ALDH7A1: variants seen among roughly 807,000 people sequenced by gnomAD.
ALDH7A1 encodes the protein aldehyde dehydrogenase 7 family member A1.
In ALDH7A1, 63 loss-of-function variants were observed where a neutral mutation model predicts 79.9. The ratio of observed to expected loss-of-function variants is 0.79; its 90% CI spans 0.64 to 0.97. The LOEUF is 0.97. Among genes scored for constraint, ALDH7A1 ranks in the 50% least tolerant of loss-of-function variants. The pLI, the probability that ALDH7A1 is intolerant of heterozygous loss-of-function variation, is 0.00. For synonymous variants in ALDH7A1, 240 were observed against 231.2 expected (o/e 1.04, Z -0.34); for missense variants, 627 against 665.2 (o/e 0.94, Z 0.63).
intron 10 of ALDH7A1, 77 bp downstream of exon 10, chr5:126,561,006 A>G: frequency 3.9e-6 from 6 of 1,521,142 alleles, no homozygotes; most frequent in Non-Finnish European, 5.5e-6. Context: ...ATGAGATCCC[A>G]AACAAGTTCC....
chr5:126,557,936 G>A (rs1349362029), intron 11 of ALDH7A1, among the ~76,000 whole-genome samples: 2 of 151,968 alleles, frequency 1.3e-5, no homozygotes, highest in East Asian at 3.9e-4. Context: ...GCAAGGCCGA[G>A]GTAGGTGGAT....
intron 5 of ALDH7A1, 160 bp downstream of exon 5, chr5:126,582,689 ATC>A (rs1751217185): frequency 5.8e-6 from 5 of 855,138 alleles, no homozygotes; most frequent in Non-Finnish European, 9.0e-6. Context: ...TAACATTTTC[ATC>A]TGTTTTAATT....
intron 5 of ALDH7A1, among the ~76,000 whole-genome samples, chr5:126,577,553 C>T (rs1751019686): frequency 6.6e-6 from 1 of 152,084 alleles, no homozygotes; most frequent in Non-Finnish European, 1.5e-5. Flanking sequence ...GACCAGGGCA[C>T]AGGGGCTTAG....
intron 17 of ALDH7A1, 54 bp from the exon 18 acceptor site, chr5:126,545,073 T>C: frequency 7.6e-7 from 1 of 1,314,982 alleles, no homozygotes; most frequent in African/African-American, 1.5e-5. Context: ...CAGAAGATTT[T>C]CATGCCCACT....
intron 5 of ALDH7A1, chr5:126,581,803 C>T (rs983213287): frequency 5.3e-6 from 1 of 188,142 alleles, no homozygotes; most frequent in East Asian, 1.2e-4. Context: ...GATGGTGAAA[C>T]CCCATCTCTA....
intron 3 of ALDH7A1, chr5:126,587,181 T>C (rs992874037): frequency 2.6e-5 from 4 of 152,000 alleles, no homozygotes; most frequent in Admixed American, 1.3e-4. Flanking sequence ...TGAGGACACA[T>C]GGGGATGCAG....
intron 17 of ALDH7A1, 149 bp downstream of exon 17, chr5:126,546,175 A>G: frequency 2.6e-6 from 2 of 773,270 alleles, no homozygotes; most frequent in South Asian, 2.9e-5. Context: ...AAATAGCACC[A>G]AATAGATACT....
chr5:126,574,545 A>T (rs745753943), intron 7 of ALDH7A1, among the ~76,000 whole-genome samples: 1 of 151,136 alleles, frequency 6.6e-6, no homozygotes, highest in East Asian at 1.9e-4. Flanking sequence ...AACACAAAAA[A>T]TTAGCTGGGT....
At chr5:126,559,022 T>C (rs1015800755) in intron 11 of ALDH7A1, among the ~76,000 whole-genome samples, 11 of 152,232 alleles carry the variant, frequency 7.2e-5, no homozygotes, top group South Asian at 2.1e-4. Context: ...CAATTGGTAG[T>C]GGAACCCCTA....
rs35284915 is a variant in ALDH7A1, at chr5:126,576,262, C to CAAA, written c.651-801_651-799dup. Reference sequence around the variant, plus strand: ...TGGGCGACAGAGCAAGACTCTGTCACAAAAAAAAAAAAAAAAAAAGAATTG... The same window carrying CAAA: ...TGGGCGACAGAGCAAGACTCTGTCACAAAAAAAAAAAAAAAAAAAAAAGAATTG... On this transcript the variant is annotated intron_variant, in intron 6 of 17. Coordinates refer to ENST00000409134, the MANE Select transcript of ALDH7A1 (RefSeq NM_001182.5). Among the ~76,000 whole-genome samples the CAAA allele has an allele frequency of 2.7e-3, 244 of 89,144 alleles. 2 individuals are homozygous for CAAA. Among genetic ancestry groups the CAAA allele is most frequent in the African/African-American group, 0.01 (220 of 21,496 alleles). 58.5% of individuals were successfully genotyped at this position (89,144 alleles called of 152,430 possible).
chr5:126,559,423 TTTTGG>T (rs758156381), intron 10 of ALDH7A1, 89 bp from the exon 11 acceptor site: 1,652 of 863,738 alleles, frequency 1.9e-3, no homozygotes, highest in South Asian at 3.8e-3. Flanking sequence ...TGTTTTTTGT[TTTTGG>T]TTTTGGTTTT....
chr5:126,571,345 G>T (rs1291723358), intron 7 of ALDH7A1, among the ~76,000 whole-genome samples: 1 of 151,476 alleles, frequency 6.6e-6, no homozygotes, highest in African/African-American at 2.4e-5. Flanking sequence ...GAGAGTGACG[G>T]TGGGAGCCTG....
chr5:126,550,159 A>G, intron 15 of ALDH7A1, 37 bp downstream of exon 15: 3 of 1,590,466 alleles, frequency 1.9e-6, no homozygotes, highest in Non-Finnish European at 2.6e-6. Context: ...CACATAAATC[A>G]GACTTATATA....
chr5:126,575,169 C>T (rs979318966), intron 7 of ALDH7A1, among the ~76,000 whole-genome samples: 19 of 152,138 alleles, frequency 1.2e-4, no homozygotes. Flanking sequence ...CTTTTATTTT[C>T]CAAGTGACAA....
At chr5:126,593,519 T>G (rs975223803) in intron 1 of ALDH7A1, 115 bp from the exon 2 acceptor site, 1 of 1,433,698 alleles carries the variant, frequency 7.0e-7, no homozygotes, top group African/African-American at 1.4e-5. Flanking sequence ...ATACCCAAAC[T>G]CAAAAAGCTT....
chr5:126,590,537 G>C (rs1751519076), intron 3 of ALDH7A1, among the ~76,000 whole-genome samples: 1 of 152,052 alleles, frequency 6.6e-6, no homozygotes. Flanking sequence ...GTGACAGAGT[G>C]AGACTCCGTC....
intron 7 of ALDH7A1, among the ~76,000 whole-genome samples, chr5:126,572,450 C>A (rs1750808342): frequency 6.6e-6 from 1 of 152,172 alleles, no homozygotes; most frequent in African/African-American, 2.4e-5. Flanking sequence ...GGTTAACAAA[C>A]CCCTGCCCCT....
chr5:126,557,000 G>A (rs556552668), intron 11 of ALDH7A1, among the ~76,000 whole-genome samples: 21 of 152,084 alleles, frequency 1.4e-4, no homozygotes, highest in East Asian at 5.8e-4. Flanking sequence ...TATAAAAGAC[G>A]TCTATGAATA....
At position 126,552,147 on chromosome 5, in the gene ALDH7A1, A is replaced by G; in HGVS notation, c.1201-10T>C. The G allele has an allele frequency of 6.2e-7, 1 of 1,605,896 alleles. No homozygotes were observed. The highest frequency in any genetic ancestry group is 8.5e-7 in the Non-Finnish European group (1 of 1,172,558). On this transcript the variant is annotated splice_polypyrimidine_tract_variant and intron_variant, in intron 13 of 17. Coordinates refer to ENST00000409134, the MANE Select transcript of ALDH7A1 (RefSeq NM_001182.5). ...CAGGGCGATCCATAACCTAATGCAG[A>G]GAAATGAAATAAAAAGAATGAAAGC...
Sources: gnomAD v4.1 joint callset for allele counts (sites outside exome capture counted in the v4.1 genomes callset) on GRCh38, gnomAD v4.1.1 for gene constraint, MANE v1.5 for transcripts, NCBI Gene and HGNC (gene_info 2026-07-23, HGNC 2026-07-21) for gene names.